UBAP2: variants seen among roughly 807,000 people sequenced by gnomAD.
UBAP2 encodes the protein ubiquitin associated protein 2, also known as ubiquitin-associated protein 2.
Under a neutral mutation model 139.6 loss-of-function variants are expected in UBAP2, and 75 were observed. That is an observed-to-expected ratio of 0.54 (90% CI 0.45 to 0.65). The LOEUF is 0.65. UBAP2 is among the 30% of genes least tolerant of loss of function. The probability of loss-of-function intolerance (pLI) is 0.00; values close to 1 mark genes in which losing one functional copy is unlikely to be tolerated. For synonymous variants in UBAP2, 526 were observed against 526.2 expected (o/e 1.00, Z 0.01); for missense variants, 1,368 against 1,369.6 (o/e 1.00, Z 0.02).
chr9:33,973,372 C>T, intron 6 of UBAP2, 135 bp from the exon 7 acceptor site: 3 of 946,094 alleles, frequency 3.2e-6, no homozygotes, highest in East Asian at 2.5e-5. Flanking sequence ...CAATCCAGGG[C>T]ACCCAATTAA....
chr9:33,933,537 G>C lies in UBAP2; in HGVS notation c.2061C>G (p.Ser687=). 2 of 1,614,024 alleles carry C rather than the reference G, an allele frequency of 1.2e-6. No homozygotes were observed. Among genetic ancestry groups the C allele is most frequent in the Non-Finnish European group, 1.7e-6 (2 of 1,180,024 alleles). Residue 687 remains serine, a synonymous_variant, in exon 18 of 29, where the codon TCC becomes TCG. Coordinates refer to ENST00000379238, the MANE Select transcript of UBAP2 (RefSeq NM_001370062.2). The part of the protein sequence containing the change: ...TSCTALLPST[S]QHTGDLTSSP... ...TGCTAGTCAGGTCGCCAGTGTGCTG[G>C]GATGTGGACGGCAGAAGTGCAGTGC...
At chr9:33,945,366 G>A (rs985638746) in intron 13 of UBAP2, among the ~76,000 whole-genome samples, 5 of 151,940 alleles carry the variant, frequency 3.3e-5, no homozygotes, top group African/African-American at 1.2e-4. Flanking sequence ...GGGTGTGGTG[G>A]TGGGCACCTG....
chr9:33,963,351 T>G (rs1270164446), intron 9 of UBAP2, among the ~76,000 whole-genome samples: 1 of 152,012 alleles, frequency 6.6e-6, no homozygotes, highest in East Asian at 1.9e-4. Context: ...ATATTAAAAT[T>G]TTAATTTGGT....
intron 1 of UBAP2, among the ~76,000 whole-genome samples, chr9:34,025,261 GTACA>G (rs1211772486): frequency 6.6e-6 from 1 of 152,162 alleles, no homozygotes; most frequent in African/African-American, 2.4e-5. Flanking sequence ...GGAATTCAGT[GTACA>G]CTTGTGTTCC....
intron 22 of UBAP2, among the ~76,000 whole-genome samples, chr9:33,926,086 A>G (rs1372289816): frequency 6.6e-6 from 1 of 152,224 alleles, no homozygotes; most frequent in Non-Finnish European, 1.5e-5. Flanking sequence ...GGGACGTCCC[A>G]GGGCAGGCAT....
chr9:33,922,456 C>G lies in UBAP2; in HGVS notation c.*48G>C. On this transcript the variant is annotated 3_prime_UTR_variant, in exon 29 of 29. Coordinates refer to ENST00000379238, the MANE Select transcript of UBAP2 (RefSeq NM_001370062.2). Reference sequence around the variant, plus strand: ...TCCCAAATACGTGCTCGTGTGTTCTCTCCTGCCCAGGATAAGCCTTGCCCC... The same window carrying G: ...TCCCAAATACGTGCTCGTGTGTTCTGTCCTGCCCAGGATAAGCCTTGCCCC... 6.3e-7 allele frequency: 1 copy of G among 1,577,336 alleles called. No individual in the cohort carries two copies. Among genetic ancestry groups the G allele is most frequent in the South Asian group, 1.1e-5 (1 of 87,554 alleles).
intron 22 of UBAP2, among the ~76,000 whole-genome samples, chr9:33,924,713 G>A (rs1429824452): frequency 6.6e-6 from 1 of 152,140 alleles, no homozygotes; most frequent in Non-Finnish European, 1.5e-5. Flanking sequence ...GGGGGACAGG[G>A]GGCAGTGCCA....
At chr9:34,021,870 G>A (rs1824975968) in intron 1 of UBAP2, among the ~76,000 whole-genome samples, 3 of 152,136 alleles carry the variant, frequency 2.0e-5, no homozygotes, top group South Asian at 4.1e-4. Flanking sequence ...CAGACCTCGG[G>A]TGATCCAACC....
chr9:34,025,810 G>T (rs1459378925), intron 1 of UBAP2, among the ~76,000 whole-genome samples: 4 of 152,050 alleles, frequency 2.6e-5, no homozygotes, highest in African/African-American at 9.7e-5. Context: ...AAACTCCTGG[G>T]CTCAGGTGAT....
chr9:33,924,925 C>A (rs747442478), intron 22 of UBAP2, among the ~76,000 whole-genome samples: 3 of 152,202 alleles, frequency 2.0e-5, no homozygotes, highest in Non-Finnish European at 2.9e-5. Context: ...CATCAGCTAT[C>A]TTTAATGTTA....
In UBAP2 at chr9:34,006,709, T is replaced by C. The variant is rs141388407; in HGVS notation, c.100-7845A>G. On this transcript the variant is annotated intron_variant, in intron 2 of 28. Coordinates refer to ENST00000379238, the MANE Select transcript of UBAP2 (RefSeq NM_001370062.2). ...AAAAAAAAAGATAACGTAAAGAAAA[T>C]GTGGGCCTAGCACTTAGAGCCAACA... is the stretch of plus-strand genomic sequence containing the variant. Among the ~76,000 whole-genome samples, 1,248 of 149,994 alleles carry C rather than the reference T, an allele frequency of 8.3e-3. 14 individuals carry two copies. Among genetic ancestry groups the C allele is most frequent in the African/African-American group, 0.028 (1,145 of 41,036 alleles).
intron 3 of UBAP2, chr9:33,998,109 C>T (rs891083342): frequency 6.6e-6 from 1 of 152,130 alleles, no homozygotes; most frequent in African/African-American, 2.4e-5. Flanking sequence ...GAAATCACAA[C>T]CATGTTTGAA....
chr9:33,964,314 T>TA (rs1827291016), intron 8 of UBAP2, among the ~76,000 whole-genome samples: 1 of 152,222 alleles, frequency 6.6e-6, no homozygotes, highest in Non-Finnish European at 1.5e-5. Flanking sequence ...TGACATCCTT[T>TA]AACTGTATTC....
At chr9:34,034,279 GTTC>G (rs1435600849) in intron 1 of UBAP2, among the ~76,000 whole-genome samples, 2 of 152,074 alleles carry the variant, frequency 1.3e-5, no homozygotes, top group Non-Finnish European at 2.9e-5. Context: ...TTTCATTATA[GTTC>G]TTCAACTTTC....
At chr9:34,048,899 AGCG>A (rs543577127), upstream of UBAP2, 2 of 152,014 alleles carry the variant, frequency 1.3e-5, no homozygotes, top group South Asian at 2.1e-4. Context: ...CCTCTTACAA[AGCG>A]GCGGCGGCGG....
chr9:33,986,897 T>A, intron 5 of UBAP2, 60 bp from the exon 6 acceptor site: 1 of 1,421,280 alleles, frequency 7.0e-7, no homozygotes, highest in Non-Finnish European at 9.9e-7. Flanking sequence ...TACATAACCT[T>A]ATCAAGCACC....
chr9:33,927,734 G>C, intron 20 of UBAP2, 63 bp downstream of exon 20: 1 of 1,513,050 alleles, frequency 6.6e-7, no homozygotes, highest in Non-Finnish European at 8.8e-7. Flanking sequence ...GCCTTCCTGG[G>C]ACGCCAAGCA....
intron 14 of UBAP2, among the ~76,000 whole-genome samples, chr9:33,943,905 A>T (rs567510095): frequency 8.9e-5 from 13 of 145,676 alleles, no homozygotes; most frequent in East Asian, 2.0e-4. Flanking sequence ...TGTCTCATTT[A>T]AAAAAAAAAA....
chr9:34,044,612 C>G lies in UBAP2; in HGVS notation c.-42+4213G>C, dbSNP rs552106526. 5.9e-5 allele frequency among the ~76,000 whole-genome samples: 9 copies of G among 152,110 alleles called. No homozygotes were observed. The East Asian group carries it at 1.7e-3, about 29-fold the overall frequency. ...AGGTGTGGTGGCTCACGCAAGTAAT[C>G]CCAGCACTTTGGGAGGCCAAGGCAG... On this transcript the variant is annotated intron_variant, in intron 1 of 28. Transcript: ENST00000379238.
Sources: allele counts gnomAD v4.1 joint callset (sites outside exome capture counted in the v4.1 genomes callset), GRCh38; gene constraint gnomAD v4.1.1; transcripts MANE v1.5; gene names NCBI Gene and HGNC (gene_info 2026-07-23, HGNC 2026-07-21).